TVP23B: variants seen among roughly 807,000 people sequenced by gnomAD.
TVP23B encodes the protein Golgi apparatus membrane protein TVP23 homolog B.
In TVP23B, 10 loss-of-function variants were observed where a neutral mutation model predicts 30.6. That is an observed-to-expected ratio of 0.33 (90% CI 0.20 to 0.55). TVP23B has a LOEUF of 0.55. TVP23B is among the 20% of genes least tolerant of loss of function. The pLI is 0.91. For synonymous variants in TVP23B, 67 were observed against 83.1 expected, an observed-to-expected ratio of 0.81 and a Z score of 1.06; for missense variants, 153 against 243.2, an observed-to-expected ratio of 0.63 and a Z score of 2.47.
At chr17:18,795,451 C>A (rs1048162265) in intron 3 of TVP23B, among the ~76,000 whole-genome samples, 16 of 152,218 alleles carry the variant, frequency 1.1e-4, no homozygotes, top group African/African-American at 3.6e-4. Context: ...ATGACCAAGT[C>A]CCATAAATCC....
intron 2 of TVP23B, 33 bp downstream of exon 2, chr17:18,789,468 G>A (rs2035959379): frequency 6.2e-7 from 1 of 1,613,906 alleles, no homozygotes; most frequent in Non-Finnish European, 8.5e-7. Context: ...AGCTGTGTTA[G>A]TGTCCAGTGC....
chr17:18,784,327 C>T (rs2035867418), intron 1 of TVP23B, among the ~76,000 whole-genome samples: 1 of 152,144 alleles, frequency 6.6e-6, no homozygotes. Context: ...ACTGCTCTTA[C>T]TGAGTTCCCT....
intron 3 of TVP23B, chr17:18,796,153 T>C (rs1449229322): frequency 1.3e-5 from 2 of 151,820 alleles, no homozygotes; most frequent in African/African-American, 4.8e-5. Context: ...GTTTCTATTG[T>C]GTCAGGGTGT....
At position 18,789,151 on chromosome 17, in the gene TVP23B, G is replaced by T. The variant is rs146913131; in HGVS notation, c.13-202G>T. 216 of 781,888 alleles carry T rather than the reference G, an allele frequency of 2.8e-4. 1 individual carries two copies. In the African/African-American group the frequency reaches 3.5e-3, roughly 13 times the overall value. The allele number at this position is 781,888 out of a possible 1,614,324, so 48.4% of individuals were successfully genotyped here. A position where few individuals can be genotyped will look rare whatever the true frequency, so the allele number is the denominator to read the frequency against. ...GCAGGGATGGAGGAGCTGAGACTTC[G>T]ATTATTCTCTGGGTTTTTTGCCAGA... On this transcript the variant is annotated intron_variant, in intron 1 of 6. Transcript: ENST00000307767.
intron 3 of TVP23B, 57 bp downstream of exon 3, chr17:18,791,097 AAT>A (rs1317582703): frequency 6.5e-7 from 1 of 1,527,578 alleles, no homozygotes; most frequent in Non-Finnish European, 8.7e-7. Flanking sequence ...GATGTATAAA[AAT>A]ATGAGTTAGC....
intron 1 of TVP23B, among the ~76,000 whole-genome samples, chr17:18,788,861 A>G (rs1048298699): frequency 4.6e-5 from 7 of 151,994 alleles, no homozygotes; most frequent in Admixed American, 4.6e-4. Context: ...TGATGAAACA[A>G]ATCCCCGAGG....
At chr17:18,798,543 T>G (rs575678141) in intron 4 of TVP23B, among the ~76,000 whole-genome samples, 1 of 152,304 alleles carries the variant, frequency 6.6e-6, no homozygotes, top group South Asian at 2.1e-4. Context: ...CAAGAAGAAT[T>G]GAATAGAATC....
intron 1 of TVP23B, among the ~76,000 whole-genome samples, chr17:18,783,100 G>GTTT (rs2035834891): frequency 1.3e-5 from 1 of 77,448 alleles, no homozygotes; most frequent in Non-Finnish European, 3.1e-5. Context: ...TTGATTGATT[G>GTTT]ATTGATTCAT....
intron 3 of TVP23B, chr17:18,795,891 CA>C (rs942041530): frequency 3.3e-5 from 5 of 151,536 alleles, no homozygotes; most frequent in African/African-American, 1.2e-4. Flanking sequence ...ATAAATTAAG[CA>C]TTATCATAGG....
intron 5 of TVP23B, among the ~76,000 whole-genome samples, chr17:18,801,166 C>G (rs1368189854): frequency 6.6e-6 from 1 of 152,218 alleles, no homozygotes; most frequent in Non-Finnish European, 1.5e-5. Context: ...GTTTTCATCT[C>G]CTGTTATCTC....
intron 1 of TVP23B, chr17:18,782,083 G>A (rs2035816230): frequency 6.6e-6 from 1 of 152,172 alleles, no homozygotes; most frequent in Non-Finnish European, 1.5e-5. Flanking sequence ...AATAACAAGT[G>A]TCTGAGGATA....
intron 3 of TVP23B, among the ~76,000 whole-genome samples, chr17:18,794,624 G>C (rs1213395017): frequency 6.6e-6 from 1 of 152,080 alleles, no homozygotes; most frequent in African/African-American, 2.4e-5. Context: ...AGCAATAAGC[G>C]TGAGAAATCA....
chr17:18,804,105 A>T (rs781494149), intron 5 of TVP23B, 33 bp from the exon 6 acceptor site: 2 of 1,611,684 alleles, frequency 1.2e-6, no homozygotes, highest in Non-Finnish European at 1.7e-6. Flanking sequence ...ATTTCAGGCC[A>T]GTAACCATTG....
chr17:18,801,375 C>T (rs1019131910), intron 5 of TVP23B, among the ~76,000 whole-genome samples: 6 of 151,700 alleles, frequency 4.0e-5, no homozygotes, highest in African/African-American at 1.5e-4. Context: ...TTTTGCTTAT[C>T]CTTACAGTGA....
chr17:18,789,606 G>T (rs2035961472), intron 2 of TVP23B, 171 bp downstream of exon 2: 1 of 806,374 alleles, frequency 1.2e-6, no homozygotes, highest in Non-Finnish European at 1.9e-6. Context: ...AGATTTTCTT[G>T]TGAATAATTG....
intron 6 of TVP23B, chr17:18,804,605 T>C (rs2036220177): frequency 2.1e-5 from 15 of 714,978 alleles, no homozygotes; most frequent in South Asian, 2.6e-5. Flanking sequence ...TTTTTTTTTT[T>C]TGAGACAGAG....
At chr17:18,785,316 C>T (rs536293230) in intron 1 of TVP23B, among the ~76,000 whole-genome samples, 11 of 151,854 alleles carry the variant, frequency 7.2e-5, no homozygotes, top group African/African-American at 2.4e-4. Context: ...GATTTTGCCC[C>T]GAAATCTTTT....
rs532770025 is a variant in TVP23B, at chr17:18,781,529, C to T, written c.12+224C>T. On this transcript the variant is annotated intron_variant, in intron 1 of 6. Transcript: ENST00000307767. ...TGCGGCGCAGAGCAAGTACTTCTTG[C>T]GGCTGTGGGGACGCCCATTGTTAAC... 173 of 692,222 alleles carry T rather than the reference C, an allele frequency of 2.5e-4. 3 individuals carry two copies. In the East Asian group the frequency reaches 4.8e-3, roughly 19 times the overall value. The allele number at this position is 692,222 out of a possible 1,614,324, so 42.9% of individuals were successfully genotyped here.
intron 1 of TVP23B, among the ~76,000 whole-genome samples, chr17:18,783,946 A>G (rs558204060): frequency 2.0e-4 from 30 of 152,220 alleles, no homozygotes; most frequent in African/African-American, 7.2e-4. Flanking sequence ...GGAGATCGAG[A>G]CCATCCTGGC....
Sources: allele counts gnomAD v4.1 joint callset (sites outside exome capture counted in the v4.1 genomes callset), GRCh38; gene constraint gnomAD v4.1.1; transcripts MANE v1.5; gene names NCBI Gene and HGNC (gene_info 2026-07-23, HGNC 2026-07-21).